The following SERPINE2 variants were observed in gnomAD, a reference collection of about 807,000 sequenced individuals.
The protein encoded by SERPINE2 is serpin family E member 2.
SERPINE2 carries 14 observed loss-of-function variants against 36.3 expected under a neutral mutation model. The ratio of observed to expected loss-of-function variants is 0.39; its 90% CI spans 0.25 to 0.60. SERPINE2 has a LOEUF of 0.60. Ranked by LOEUF, SERPINE2 falls within the 20% of genes least tolerant of loss-of-function variation. SERPINE2 has a pLI of 0.57. For synonymous variants in SERPINE2, 192 were observed against 191.8 expected (o/e 1.00, Z -0.01); for missense variants, 418 against 499.6 (o/e 0.84, Z 1.56).
chr2:224,008,080 C>G (rs1196430504), intron 1 of SERPINE2, among the ~76,000 whole-genome samples: 1 of 152,216 alleles, frequency 6.6e-6, no homozygotes, highest in African/African-American at 2.4e-5. Flanking sequence ...ACGTGAAAAG[C>G]CTGCTGACCC....
intron 1 of SERPINE2, among the ~76,000 whole-genome samples, chr2:224,037,511 G>A (rs535516652): frequency 6.6e-6 from 1 of 152,318 alleles, no homozygotes; most frequent in African/African-American, 2.4e-5. Context: ...TCAAGGAAGT[G>A]CGCATCTAGA....
At position 223,975,823 on chromosome 2, in the gene SERPINE2, T is replaced by G; in HGVS notation, c.*44A>C. On this transcript the variant is annotated 3_prime_UTR_variant, in exon 9 of 9. Transcript: ENST00000409304. ...GATGCAGGAAAGGAGTCTTTCTTCG[T>G]AGCAAAGTAGTCGTTGCTTTGCATG... 1 of 1,486,092 alleles carries G rather than the reference T, an allele frequency of 6.7e-7. No individual in the cohort carries two copies. The highest frequency in any genetic ancestry group is 9.1e-7 in the Non-Finnish European group (1 of 1,094,102). 92.1% of individuals were successfully genotyped at this position (1,486,092 alleles called of 1,614,324 possible). A position where few individuals can be genotyped will look rare whatever the true frequency, so the allele number is the denominator to read the frequency against.
chr2:224,031,761 C>G (rs1248489289), intron 1 of SERPINE2, among the ~76,000 whole-genome samples: 1 of 148,460 alleles, frequency 6.7e-6, no homozygotes, highest in Admixed American at 6.7e-5. Flanking sequence ...CACCCCCCAC[C>G]CCCCCCGCCG....
intron 1 of SERPINE2, among the ~76,000 whole-genome samples, chr2:224,008,129 T>C (rs1196025650): frequency 6.6e-6 from 1 of 152,208 alleles, no homozygotes; most frequent in Admixed American, 6.5e-5. Flanking sequence ...CAATTTTCTC[T>C]TTTTGTAAGA....
intron 1 of SERPINE2, among the ~76,000 whole-genome samples, chr2:224,016,897 T>C (rs1447102117): frequency 5.3e-5 from 8 of 152,214 alleles, no homozygotes; most frequent in African/African-American, 1.9e-4. Flanking sequence ...TGTAATTCCA[T>C]GTATATAACA....
At chr2:224,013,378 G>A (rs1465418046) in intron 1 of SERPINE2, among the ~76,000 whole-genome samples, 1 of 152,150 alleles carries the variant, frequency 6.6e-6, no homozygotes, top group Non-Finnish European at 1.5e-5. Flanking sequence ...TCCTTCAGGT[G>A]GCCTTTCTGG....
Position 223,998,146 on chromosome 2 carries a change from G to C in SERPINE2, c.456C>G (p.Ser152=). The C allele has an allele frequency of 1.2e-6, 2 of 1,614,156 alleles. No homozygotes were observed. Among genetic ancestry groups the C allele is most frequent in the East Asian group, 2.2e-5 (1 of 44,886 alleles). ...TTTCATTTTTAACCCATGCATTGAT[G>C]GAATCACAGGCAGAGGCTGGATCCT... is the stretch of plus-strand genomic sequence containing the variant. ...NFEDPASACD[S]INAWVKNETR... Residue 152 remains serine, a synonymous_variant, in exon 3 of 9, where the codon TCC becomes TCG. Coordinates refer to ENST00000409304, the MANE Select transcript of SERPINE2 (RefSeq NM_001136528.2).
chr2:223,985,455 A>G (rs1318385451), intron 4 of SERPINE2, among the ~76,000 whole-genome samples: 1 of 152,192 alleles, frequency 6.6e-6, no homozygotes, highest in African/African-American at 2.4e-5. Context: ...TTTTTGGGAC[A>G]AGAGCGGCTA....
At chr2:224,026,912 A>G (rs1368225131) in intron 1 of SERPINE2, among the ~76,000 whole-genome samples, 22 of 152,204 alleles carry the variant, frequency 1.4e-4, no homozygotes, top group Non-Finnish European at 2.9e-5. Flanking sequence ...TTCTTCAGCC[A>G]TAAAGAGCAC....
chr2:223,986,279 T>G lies in SERPINE2; in HGVS notation c.686-1329A>C, dbSNP rs1298910152. ...CAACATAGAGAACTGGCAGAGGAAC[T>G]GGGGCTCTCCTGGTCCTAGCACACT... On this transcript the variant is annotated intron_variant, in intron 4 of 8. Coordinates refer to ENST00000409304, the MANE Select transcript of SERPINE2 (RefSeq NM_001136528.2). Among the ~76,000 whole-genome samples, 2 of 152,202 alleles carry G rather than the reference T, an allele frequency of 1.3e-5. 1 individual carries two copies. The highest frequency in any genetic ancestry group is 2.9e-5 in the Non-Finnish European group (2 of 68,028).
At chr2:223,980,437 T>C in intron 6 of SERPINE2, 40 bp from the exon 7 acceptor site, 2 of 1,564,708 alleles carry the variant, frequency 1.3e-6, no homozygotes, top group Admixed American at 1.7e-5. Context: ...ATTTGTTTGA[T>C]AGGCAGGCCA....
intron 4 of SERPINE2, among the ~76,000 whole-genome samples, chr2:223,991,149 T>C (rs1690650531): frequency 6.6e-6 from 1 of 152,228 alleles, no homozygotes; most frequent in African/African-American, 2.4e-5. Context: ...AAATCAATCA[T>C]ATATTGCATA....
chr2:223,986,481 C>A (rs1690433844), intron 4 of SERPINE2, among the ~76,000 whole-genome samples: 1 of 152,130 alleles, frequency 6.6e-6, no homozygotes, highest in Non-Finnish European at 1.5e-5. Context: ...ACGGAAAAAT[C>A]AATGGGAAAG....
intron 1 of SERPINE2, among the ~76,000 whole-genome samples, chr2:224,034,466 G>A (rs1421133342): frequency 6.6e-6 from 1 of 152,080 alleles, no homozygotes; most frequent in Non-Finnish European, 1.5e-5. Flanking sequence ...TCAGGCAGGG[G>A]ACAAGGCAAG....
chr2:224,035,396 G>A (rs1204600600), intron 1 of SERPINE2, among the ~76,000 whole-genome samples: 1 of 36,044 alleles, frequency 2.8e-5, no homozygotes, highest in African/African-American at 7.0e-5. Context: ...TTTTGTTTTT[G>A]TTTTGAGACA....
At position 224,001,772 on chromosome 2, in the gene SERPINE2, C is replaced by T. The variant is rs759802647; in HGVS notation, c.129G>A (p.Val43=). 1 of 1,614,114 alleles carries T rather than the reference C, an allele frequency of 6.2e-7. No homozygotes were observed. The highest frequency in any genetic ancestry group is 2.2e-5 in the East Asian group (1 of 44,856). Residue 43 remains valine (V), a synonymous_variant, in exon 2 of 9, where the codon GTG becomes GTA. Coordinates refer to ENST00000409304, the MANE Select transcript of SERPINE2 (RefSeq NM_001136528.2). ...CGATGTTGTCATGAGGCCTCGACTTCACAATCTGATTGAAAACCTGGATCC... is the reference window on the plus strand; with the variant it reads ...CGATGTTGTCATGAGGCCTCGACTTTACAATCTGATTGAAAACCTGGATCC... ...NTGIQVFNQI[V]KSRPHDNIVI... is the part of the protein sequence containing the mutation.
At chr2:223,990,939 C>T (rs938706052) in intron 4 of SERPINE2, among the ~76,000 whole-genome samples, 1 of 152,202 alleles carries the variant, frequency 6.6e-6, no homozygotes, top group South Asian at 2.1e-4. Flanking sequence ...GTTTGTGCCA[C>T]TGTAGTCTAG....
chr2:224,025,557 C>T (rs1035733428), intron 1 of SERPINE2, among the ~76,000 whole-genome samples: 1 of 152,190 alleles, frequency 6.6e-6, no homozygotes, highest in Non-Finnish European at 1.5e-5. Context: ...AAATCACATA[C>T]CCTATGAGTT....
intron 1 of SERPINE2, among the ~76,000 whole-genome samples, chr2:224,005,307 AAGT>A (rs1281217198): frequency 1.3e-5 from 2 of 151,762 alleles, no homozygotes; most frequent in Non-Finnish European, 2.9e-5. Flanking sequence ...TGGACTTGGG[AAGT>A]TTTTGAGAGC....
Sources: gnomAD v4.1 joint callset for allele counts (sites outside exome capture counted in the v4.1 genomes callset) on GRCh38, gnomAD v4.1.1 for gene constraint, MANE v1.5 for transcripts, NCBI Gene and HGNC (gene_info 2026-07-23, HGNC 2026-07-21) for gene names.